CHN1: variants seen among roughly 807,000 people sequenced by gnomAD.
CHN1 encodes N-chimaerin.
In CHN1, 37 loss-of-function variants were observed where a neutral mutation model predicts 59.5. The ratio of observed to expected loss-of-function variants is 0.62; its 90% CI spans 0.48 to 0.82. The LOEUF is 0.82. Ranked by LOEUF, CHN1 falls within the 40% of genes least tolerant of loss-of-function variation. CHN1 has a pLI of 0.00. For missense variants in CHN1, 469 were observed against 571.0 expected (o/e 0.82, Z 1.82); for synonymous variants, 206 against 200.4 (o/e 1.03, Z -0.24).
chr2:174,904,369 G>A (rs1047529754), intron 5 of CHN1, among the ~76,000 whole-genome samples: 1 of 152,064 alleles, frequency 6.6e-6, no homozygotes, highest in Non-Finnish European at 1.5e-5. Context: ...CATGTTTTAT[G>A]ACTGTTTTTG....
intron 1 of CHN1, among the ~76,000 whole-genome samples, chr2:175,003,970 T>A (rs1227388998): frequency 6.6e-6 from 1 of 152,224 alleles, no homozygotes; most frequent in East Asian, 1.9e-4. Flanking sequence ...TCAAATGACA[T>A]AATTAAAACT....
chr2:174,853,116 T>C (rs552354372), intron 6 of CHN1, among the ~76,000 whole-genome samples: 1 of 152,112 alleles, frequency 6.6e-6, no homozygotes, highest in Non-Finnish European at 1.5e-5. Flanking sequence ...ACCGAAGAGC[T>C]TGTGCACAGC....
intron 8 of CHN1, among the ~76,000 whole-genome samples, chr2:174,823,555 C>T (rs990326709): frequency 7.3e-5 from 11 of 151,656 alleles, no homozygotes; most frequent in Admixed American, 3.3e-4. Context: ...CCCAGCTACT[C>T]GGGAGGCTGA....
At chr2:175,000,820 A>C (rs1443336258) in intron 1 of CHN1, among the ~76,000 whole-genome samples, 1 of 152,140 alleles carries the variant, frequency 6.6e-6, no homozygotes, top group Non-Finnish European at 1.5e-5. Flanking sequence ...CCTGAGCTCA[A>C]GTGATCCTCC....
chr2:174,823,664 GA>G (rs58763231), intron 8 of CHN1, among the ~76,000 whole-genome samples: 6,624 of 132,310 alleles, frequency 0.05, 196 homozygotes, highest in Middle Eastern at 0.092. Flanking sequence ...CTCTGTCTCA[GA>G]AAAAAAAAAA....
intron 6 of CHN1, chr2:174,847,482 A>C: frequency 8.5e-7 from 1 of 1,178,606 alleles, no homozygotes; most frequent in Non-Finnish European, 1.1e-6. Context: ...CAAATGATAC[A>C]TTTCTAAAAG....
chr2:174,883,364 C>A (rs1167994843), intron 5 of CHN1, among the ~76,000 whole-genome samples: 1 of 151,976 alleles, frequency 6.6e-6, no homozygotes, highest in African/African-American at 2.4e-5. Flanking sequence ...TTTTAAATAC[C>A]CAAAATTTAA....
chr2:174,869,658 T>C (rs1207509753), intron 6 of CHN1, among the ~76,000 whole-genome samples: 6 of 152,196 alleles, frequency 3.9e-5, no homozygotes, highest in Admixed American at 3.9e-4. Flanking sequence ...GTATGTAAAT[T>C]ATACCTTAAA....
intron 5 of CHN1, among the ~76,000 whole-genome samples, chr2:174,886,631 G>C (rs955410654): frequency 6.6e-5 from 10 of 152,090 alleles, no homozygotes; most frequent in Admixed American, 1.3e-4. Flanking sequence ...GGGTATTTAG[G>C]CATTTCCCAT....
intron 6 of CHN1, among the ~76,000 whole-genome samples, chr2:174,857,299 G>A (rs1276405594): frequency 6.6e-6 from 1 of 151,984 alleles, no homozygotes; most frequent in Admixed American, 6.6e-5. Flanking sequence ...TGCTTGAATT[G>A]GCATAATCAA....
intron 6 of CHN1, among the ~76,000 whole-genome samples, chr2:174,848,078 T>C (rs1686597616): frequency 6.6e-6 from 1 of 152,212 alleles, no homozygotes; most frequent in Non-Finnish European, 1.5e-5. Flanking sequence ...TATCATACTA[T>C]TTTCATGCAG....
At chr2:174,937,917 G>A (rs1462124498) in intron 3 of CHN1, among the ~76,000 whole-genome samples, 3 of 152,046 alleles carry the variant, frequency 2.0e-5, no homozygotes, top group Non-Finnish European at 4.4e-5. Flanking sequence ...TGTACATTCT[G>A]CAGAACAATG....
Position 174,799,750 on chromosome 2 carries a change from A to G in CHN1, c.*366T>C, listed in dbSNP as rs1365026632. 3.7e-6 allele frequency: 2 copies of G among 538,410 alleles called. No homozygotes were observed. Among genetic ancestry groups the G allele is most frequent in the East Asian group, 7.8e-5 (2 of 25,764 alleles). 33.4% of individuals were successfully genotyped at this position (538,410 alleles called of 1,614,324 possible). ...TAGACCCCAAAAGCAAAGTCACAAC[A>G]GGCTTACTCTGTGAAACATGCTGGA... On this transcript the variant is annotated 3_prime_UTR_variant, in exon 13 of 13. Transcript: ENST00000409900.
chr2:174,904,567 T>C (rs1158282217), intron 5 of CHN1, among the ~76,000 whole-genome samples: 1 of 152,044 alleles, frequency 6.6e-6, no homozygotes, highest in Non-Finnish European at 1.5e-5. Flanking sequence ...TTTGTACTTT[T>C]AGTAGAGACG....
At chr2:174,960,642 A>C (rs1156526464) in intron 1 of CHN1, among the ~76,000 whole-genome samples, 1 of 151,958 alleles carries the variant, frequency 6.6e-6, no homozygotes, top group Non-Finnish European at 1.5e-5. Flanking sequence ...GGGGTTCGAG[A>C]CCAACCTGGT....
chr2:174,951,415 G>C (rs1690021442), intron 2 of CHN1, among the ~76,000 whole-genome samples: 4 of 152,258 alleles, frequency 2.6e-5, no homozygotes, highest in Middle Eastern at 3.4e-3. Flanking sequence ...CATTTACAAA[G>C]ATGTTAATCT....
chr2:175,001,021 C>A (rs1403921359), intron 1 of CHN1, among the ~76,000 whole-genome samples: 1 of 152,196 alleles, frequency 6.6e-6, no homozygotes, highest in African/African-American at 2.4e-5. Context: ...TGAACTCAAG[C>A]AGTTCTCTTG....
At chr2:174,953,977 A>G (rs941564532) in intron 1 of CHN1, among the ~76,000 whole-genome samples, 6 of 152,208 alleles carry the variant, frequency 3.9e-5, no homozygotes, top group Non-Finnish European at 7.3e-5. Flanking sequence ...GAGAGCCTGC[A>G]CAGCCATAGC....
rs746393214 is a variant in CHN1, at chr2:174,812,452, G to C, written c.743C>G (p.Ser248Cys). 6.2e-7 allele frequency: 1 copy of C among 1,613,894 alleles called. No homozygotes were observed. The highest frequency in any genetic ancestry group is 1.1e-5 in the South Asian group (1 of 91,072). ...DCGLNVHKQC[S>C]KMVPNDCKPD... ...CTTACAGTCATTTGGGACCATCTTG[G>C]AACACTGCTTATGAACATTCAAACC... The change falls in exon 9 of 13, where the codon TCC becomes TGC. Residue 248 changes from serine (S) to cysteine (C), a missense_variant. By Grantham distance (112) the Ser-to-Cys change is moderately radical. Around this residue, in one of 5 missense-constraint regions of CHN1, gnomAD observed 225 missense variants for 289.9 expected, o/e 0.78. Transcript: ENST00000409900.
Sources: gnomAD v4.1 joint callset for allele counts (sites outside exome capture counted in the v4.1 genomes callset) on GRCh38, gnomAD v4.1.1 for gene constraint, gnomAD v4.1.1 regional missense constraint, MANE v1.5 for transcripts, NCBI Gene and HGNC (gene_info 2026-07-23, HGNC 2026-07-21) for gene names.